The following POLN variants were observed in gnomAD, a reference collection of about 807,000 sequenced individuals.
POLN encodes the protein DNA polymerase nu.
POLN carries 108 observed loss-of-function variants against 113.5 expected under a neutral mutation model. The ratio of observed to expected loss-of-function variants is 0.95; its 90% confidence interval spans 0.81 to 1.12. The LOEUF (loss-of-function observed/expected upper bound fraction) is 1.12, where lower values mean the gene tolerates loss of function less well. Ranked by LOEUF, POLN falls within the 50% of genes most tolerant of loss-of-function variation. The probability of loss-of-function intolerance (pLI) is 0.00; values close to 1 mark genes in which losing one functional copy is unlikely to be tolerated. For synonymous variants in POLN, 386 were observed against 391.5 expected, an observed-to-expected ratio of 0.99 and a Z score of 0.17; for missense variants, 1,097 against 1,077.1, an observed-to-expected ratio of 1.02 and a Z score of -0.26.
intron 21 of POLN, 112 bp downstream of exon 21, chr4:2,085,501 C>T (rs1222929873): frequency 2.1e-6 from 3 of 1,438,786 alleles, no homozygotes; most frequent in African/African-American, 2.8e-5. Context: ...CCCAGGCCCC[C>T]AAACCAACCT....
intron 10 of POLN, among the ~76,000 whole-genome samples, chr4:2,174,359 C>T (rs1732943730): frequency 6.6e-6 from 1 of 152,228 alleles, no homozygotes; most frequent in Non-Finnish European, 1.5e-5. Context: ...TCAGTTCTTG[C>T]AGGAAGGTTC....
In POLN at chr4:2,229,080, G is replaced by A. The variant is rs369451459; in HGVS notation, c.133+19C>T. On this transcript the variant is annotated intron_variant, in intron 3 of 25. Transcript: ENST00000511885. ...ATTCAAAGTATCAAGAGAAAGAAAG[G>A]TTCATAAAAATTACTTACTCTCTGT... 6.4e-7 allele frequency: 1 copy of A among 1,562,666 alleles called. No individual in the cohort carries two copies. Among genetic ancestry groups the A allele is most frequent in the East Asian group, 2.2e-5 (1 of 44,476 alleles).
chr4:2,239,029 T>C, intron 2 of POLN: 3 of 1,531,786 alleles, frequency 2.0e-6, no homozygotes, highest in Non-Finnish European at 2.6e-6. Flanking sequence ...CATCCAAATT[T>C]TCTTTGTCCA....
At chr4:2,200,324 G>A (rs1288984100) in intron 5 of POLN, among the ~76,000 whole-genome samples, 1 of 152,216 alleles carries the variant, frequency 6.6e-6, no homozygotes, top group Non-Finnish European at 1.5e-5. Flanking sequence ...ATGGGAGGCA[G>A]GACTAGATTG....
chr4:2,165,864 A>G (rs941657439), intron 13 of POLN, among the ~76,000 whole-genome samples: 1 of 152,066 alleles, frequency 6.6e-6, no homozygotes, highest in African/African-American at 2.4e-5. Context: ...GCAGCCTTGA[A>G]CTACTGAGCT....
rs1734987046 is a variant in POLN, at chr4:2,241,517, T to A, written c.-13+3A>T. ...ATCTTCTGAAGATCAACTAAATATT[T>A]ACCTCAACGTCTCGCCGGGCAAGGC... On this transcript the variant is annotated splice_donor_region_variant and intron_variant, in intron 2 of 25. Coordinates refer to ENST00000511885, the MANE Select transcript of POLN (RefSeq NM_181808.4). The A allele has an allele frequency of 3.0e-6, 3 of 985,724 alleles. No individual in the cohort carries two copies. The South Asian group carries it at 1.4e-4, about 46-fold the overall frequency. The allele number at this position is 985,724 out of a possible 1,614,324, so 61.1% of individuals were successfully genotyped here.
chr4:2,104,242 CA>C (rs1291320665), intron 19 of POLN, among the ~76,000 whole-genome samples: 2 of 152,204 alleles, frequency 1.3e-5, no homozygotes, highest in Non-Finnish European at 2.9e-5. Context: ...ATGTCTATGG[CA>C]GAATAACAAT....
intron 19 of POLN, among the ~76,000 whole-genome samples, chr4:2,123,169 GAAACC>G (rs112587303): frequency 3.4e-4 from 51 of 151,984 alleles, no homozygotes; most frequent in African/African-American, 6.5e-4. Flanking sequence ...TCTTATCTCA[GAAACC>G]AAACCAAACC....
chr4:2,238,455 AGGCATATG>A, intron 2 of POLN: 1 of 502,504 alleles, frequency 2.0e-6, no homozygotes, highest in Non-Finnish European at 3.5e-6. Context: ...GAAAAAAAAA[AGGCATATG>A]AAAATGGAAA....
rs766661604 is a variant in POLN, at chr4:2,208,228, T to C, written c.473A>G (p.His158Arg). 19 of 1,590,924 alleles carry C rather than the reference T, an allele frequency of 1.2e-5. No individual in the cohort carries two copies. The highest frequency in any genetic ancestry group is 4.5e-5 in the South Asian group (4 of 89,392). Residue 158 changes from histidine (H) to arginine (R), a missense_variant, in exon 5 of 26, where the codon CAT becomes CGT. Coordinates refer to ENST00000511885, the MANE Select transcript of POLN (RefSeq NM_181808.4). ...CTCTGACAAATTATTATATGTAATA[T>C]GTTTTCTTTTAAGATTAATGCTTCC... ...NKGSINLKRK[H>R]ITYNNLSEKT...
intron 2 of POLN, chr4:2,240,181 C>G: frequency 1.2e-6 from 2 of 1,614,106 alleles, no homozygotes; most frequent in Non-Finnish European, 1.7e-6. Flanking sequence ...CGTCTCTCCT[C>G]AAGGATTTCT....
At chr4:2,138,081 C>T (rs544643391) in intron 16 of POLN, among the ~76,000 whole-genome samples, 1 of 152,330 alleles carries the variant, frequency 6.6e-6, no homozygotes, top group South Asian at 2.1e-4. Flanking sequence ...TTGTGATCCG[C>T]CCACCTCAGC....
chr4:2,236,280 A>T, intron 2 of POLN: 1 of 1,613,786 alleles, frequency 6.2e-7, no homozygotes, highest in Non-Finnish European at 8.5e-7. Context: ...ATCACAAAGC[A>T]TGTCCACATC....
intron 19 of POLN, among the ~76,000 whole-genome samples, chr4:2,112,616 C>CA (rs1165996407): frequency 6.6e-6 from 1 of 152,026 alleles, no homozygotes; most frequent in South Asian, 2.1e-4. Flanking sequence ...ATTTATGCAG[C>CA]AAAAAAACAC....
At chr4:2,156,174 G>A (rs1361021821) in intron 16 of POLN, among the ~76,000 whole-genome samples, 2 of 152,162 alleles carry the variant, frequency 1.3e-5, no homozygotes, top group Non-Finnish European at 2.9e-5. Flanking sequence ...AGCAAAAAGT[G>A]TGGAAAGATA....
intron 5 of POLN, among the ~76,000 whole-genome samples, chr4:2,206,828 C>T (rs185232505): frequency 2.3e-4 from 35 of 152,262 alleles, no homozygotes; most frequent in African/African-American, 8.2e-4. Context: ...ATCACTATGG[C>T]AAACAGTGTG....
chr4:2,198,732 C>T lies in POLN; in HGVS notation c.715-15G>A. 5.1e-6 allele frequency: 8 copies of T among 1,575,592 alleles called. No homozygotes were observed. The highest frequency in any genetic ancestry group is 6.9e-6 in the Non-Finnish European group (8 of 1,159,764). On this transcript the variant is annotated splice_polypyrimidine_tract_variant and intron_variant, in intron 5 of 25. Transcript: ENST00000511885. ...GAAACGGGGGTCTGTGGAAACACAA[C>T]AAAATAAATTAAACCCAGACAACAT...
At chr4:2,191,499 C>A (rs957660122) in intron 7 of POLN, among the ~76,000 whole-genome samples, 2 of 151,942 alleles carry the variant, frequency 1.3e-5, no homozygotes, top group African/African-American at 2.4e-5. Flanking sequence ...TTCAAATATT[C>A]CCAGTATAAA....
chr4:2,181,932 G>A (rs28427429), intron 7 of POLN, among the ~76,000 whole-genome samples: 37,162 of 151,322 alleles, frequency 0.25, 7,057 homozygotes, highest in African/African-American at 0.51. Context: ...CCCAGGAGGC[G>A]GAGCTTTCAG....
Sources: gnomAD v4.1 joint callset for allele counts (sites outside exome capture counted in the v4.1 genomes callset) on GRCh38, gnomAD v4.1.1 for gene constraint, MANE v1.5 for transcripts, NCBI Gene and HGNC (gene_info 2026-07-23, HGNC 2026-07-21) for gene names.